LEKR1: variants seen among roughly 807,000 people sequenced by gnomAD.
LEKR1 encodes the protein leucine, glutamate and lysine rich 1.
A neutral mutation model predicts 72.4 loss-of-function variants in LEKR1; 59 were observed. That is an observed-to-expected ratio of 0.82 (90% CI 0.66 to 1.01). The LOEUF is 1.01. LEKR1 is among the 50% of genes least tolerant of loss of function. The pLI, the probability that LEKR1 is intolerant of heterozygous loss-of-function variation, is 0.00. For missense variants in LEKR1, 728 were observed against 759.2 expected (o/e 0.96, Z 0.48); for synonymous variants, 257 against 263.2 (o/e 0.98, Z 0.23).
chr3:156,927,126 T>C (rs1724791800), intron 4 of LEKR1, among the ~76,000 whole-genome samples: 2 of 151,940 alleles, frequency 1.3e-5, no homozygotes, highest in African/African-American at 4.8e-5. Context: ...CTTCACTAAA[T>C]GTTTACGGTT....
chr3:156,853,081 G>T (rs62275160), intron 3 of LEKR1, 99 bp downstream of exon 3: 23,796 of 675,314 alleles, frequency 0.035, 553 homozygotes, highest in Non-Finnish European at 0.044. Flanking sequence ...TCTACATCAG[G>T]TATAGTTTAT....
At chr3:156,902,167 A>G (rs988254697) in intron 3 of LEKR1, among the ~76,000 whole-genome samples, 7 of 151,812 alleles carry the variant, frequency 4.6e-5, no homozygotes, top group Admixed American at 2.0e-4. Flanking sequence ...CATAGTTTCA[A>G]ACATGAATTT....
rs940313459 is a variant in LEKR1, at chr3:156,942,776, A to C, written c.745+62A>C. 6 of 712,508 alleles carry C rather than the reference A, an allele frequency of 8.4e-6. 1 individual carries two copies. The Admixed American group carries it at 1.8e-4, about 22-fold the overall frequency. 44.1% of individuals were successfully genotyped at this position (712,508 alleles called of 1,614,324 possible). ...TATATAAGTACATGAATAAATGTTT[A>C]CATTTTTACTTATAATTACAACAAA... On this transcript the variant is annotated intron_variant, in intron 6 of 12. Coordinates refer to ENST00000356539, the MANE Select transcript of LEKR1 (RefSeq NM_001004316.3).
chr3:156,981,602 C>T (rs1730206921), intron 7 of LEKR1, among the ~76,000 whole-genome samples: 1 of 152,224 alleles, frequency 6.6e-6, no homozygotes, highest in Admixed American at 6.5e-5. Flanking sequence ...CTCTATGCTA[C>T]CTGTCTCTAG....
At chr3:156,896,007 A>G (rs1300074456) in intron 3 of LEKR1, among the ~76,000 whole-genome samples, 1 of 152,246 alleles carries the variant, frequency 6.6e-6, no homozygotes, top group Non-Finnish European at 1.5e-5. Flanking sequence ...GTGCACGTAC[A>G]CTGTGGAATA....
At chr3:156,843,723 C>T (rs2108533503) in intron 2 of LEKR1, among the ~76,000 whole-genome samples, 1 of 152,086 alleles carries the variant, frequency 6.6e-6, no homozygotes, top group African/African-American at 2.4e-5. Context: ...TTATTTTGGG[C>T]CACTGTGGCT....
At chr3:156,999,195 A>G (rs1418346155) in intron 9 of LEKR1, among the ~76,000 whole-genome samples, 2 of 152,074 alleles carry the variant, frequency 1.3e-5, no homozygotes, top group Non-Finnish European at 1.5e-5. Context: ...TCTTTCCTTT[A>G]TAAATTACCC....
intron 2 of LEKR1, among the ~76,000 whole-genome samples, chr3:156,846,995 T>C (rs1714689467): frequency 6.6e-6 from 1 of 152,022 alleles, no homozygotes; most frequent in South Asian, 2.1e-4. Flanking sequence ...AAAAAATTTT[T>C]TGTAGAAATA....
At chr3:156,912,546 CT>C (rs1723214563) in intron 3 of LEKR1, among the ~76,000 whole-genome samples, 1 of 152,198 alleles carries the variant, frequency 6.6e-6, no homozygotes, top group African/African-American at 2.4e-5. Flanking sequence ...TGCCTATCTG[CT>C]GTCAAAGTCC....
intron 6 of LEKR1, among the ~76,000 whole-genome samples, chr3:156,959,324 TTTG>T (rs1727913615): frequency 6.6e-6 from 1 of 152,156 alleles, no homozygotes; most frequent in African/African-American, 2.4e-5. Flanking sequence ...AAATTCACTT[TTTG>T]TTATGAACTT....
chr3:156,970,973 G>T (rs530904491), intron 6 of LEKR1, among the ~76,000 whole-genome samples: 3 of 151,564 alleles, frequency 2.0e-5, no homozygotes, highest in Non-Finnish European at 4.4e-5. Context: ...TTTCTTCACA[G>T]AATTGGAAAA....
At chr3:156,872,221 T>G (rs1718038033) in intron 3 of LEKR1, among the ~76,000 whole-genome samples, 1 of 152,032 alleles carries the variant, frequency 6.6e-6, no homozygotes, top group Non-Finnish European at 1.5e-5. Flanking sequence ...TGTTCTAGTT[T>G]GTTGGTGTTT....
rs1717615650 is a variant in LEKR1 at position 156,868,976 on chromosome 3, C to CT, written c.263+15996dup. On this transcript the variant is annotated intron_variant, in intron 3 of 12. Coordinates refer to ENST00000356539, the MANE Select transcript of LEKR1 (RefSeq NM_001004316.3). ...AACTTTCTGTTCCTGGTTTATTTCA[C>CT]TTAACATAATGACCTCCAGTTCCAT... Among the ~76,000 whole-genome samples the CT allele has an allele frequency of 5.3e-5, 8 of 152,140 alleles. No individual in the cohort carries two copies. In the South Asian group the frequency reaches 1.7e-3, roughly 32 times the overall value.
intron 6 of LEKR1, among the ~76,000 whole-genome samples, chr3:156,969,015 C>G (rs1160012003): frequency 6.6e-6 from 1 of 152,084 alleles, no homozygotes; most frequent in Non-Finnish European, 1.5e-5. Context: ...ACAACCTGCT[C>G]CTGAATGACT....
At chr3:157,003,721 A>G (rs1050986978) in intron 9 of LEKR1, among the ~76,000 whole-genome samples, 2 of 152,204 alleles carry the variant, frequency 1.3e-5, no homozygotes, top group African/African-American at 4.8e-5. Context: ...AAGGAAACAT[A>G]CTCACAGATT....
chr3:156,832,976 G>A (rs572491262), intron 2 of LEKR1, among the ~76,000 whole-genome samples: 6 of 152,278 alleles, frequency 3.9e-5, no homozygotes, highest in Admixed American at 2.0e-4. Flanking sequence ...ATGCTAAGAA[G>A]ACTCATAATT....
At chr3:156,977,852 C>T (rs936999826) in intron 6 of LEKR1, 1 of 204,782 alleles carries the variant, frequency 4.9e-6, no homozygotes, top group Non-Finnish European at 1.1e-5. Context: ...CTCAACATGA[C>T]TCCCTACTCA....
chr3:156,894,736 C>G (rs1015962816), intron 3 of LEKR1, among the ~76,000 whole-genome samples: 3 of 152,096 alleles, frequency 2.0e-5, no homozygotes, highest in Non-Finnish European at 4.4e-5. Flanking sequence ...AGAAATAAAG[C>G]CACAAACCTA....
intron 7 of LEKR1, among the ~76,000 whole-genome samples, chr3:156,989,706 A>T (rs1037715247): frequency 1.3e-5 from 2 of 152,180 alleles, no homozygotes; most frequent in Non-Finnish European, 2.9e-5. Flanking sequence ...TAGTTCAAAG[A>T]GCACCCAGAT....
Sources: gnomAD v4.1 joint callset for allele counts (sites outside exome capture counted in the v4.1 genomes callset) on GRCh38, gnomAD v4.1.1 for gene constraint, MANE v1.5 for transcripts, NCBI Gene and HGNC (gene_info 2026-07-23, HGNC 2026-07-21) for gene names.